RHOBTB3: variants seen among roughly 807,000 people sequenced by gnomAD.
The protein encoded by RHOBTB3 is Rho related BTB domain containing 3.
Under a neutral mutation model 67.2 loss-of-function variants are expected in RHOBTB3, and 47 were observed. That is an observed-to-expected ratio of 0.70 (90% CI 0.55 to 0.89). The LOEUF is 0.89. RHOBTB3 is among the 40% of genes least tolerant of loss of function. The pLI, the probability that RHOBTB3 is intolerant of heterozygous loss-of-function variation, is 0.00. For synonymous variants in RHOBTB3, 273 were observed against 274.2 expected, an observed-to-expected ratio of 1.00 and a Z score of 0.04; for missense variants, 631 against 750.0, an observed-to-expected ratio of 0.84 and a Z score of 1.85.
At chr5:95,745,424 T>C (rs1167207812) in intron 3 of RHOBTB3, among the ~76,000 whole-genome samples, 3 of 152,172 alleles carry the variant, frequency 2.0e-5, no homozygotes, top group African/African-American at 7.2e-5. Flanking sequence ...CAGAATGTGC[T>C]TAGAATGTAT....
intron 8 of RHOBTB3, among the ~76,000 whole-genome samples, chr5:95,778,432 C>G (rs1358667149): frequency 6.7e-6 from 1 of 150,278 alleles, no homozygotes; most frequent in Non-Finnish European, 1.5e-5. Context: ...TTTCCACTCT[C>G]TGTTGGTTCG....
intron 11 of RHOBTB3, among the ~76,000 whole-genome samples, chr5:95,791,833 A>G (rs1746404294): frequency 6.6e-6 from 1 of 152,016 alleles, no homozygotes; most frequent in South Asian, 2.1e-4. Context: ...GACATGAGCC[A>G]TCGTGCCTGG....
chr5:95,730,857 G>T (rs1243970816), upstream of RHOBTB3: 1 of 455,682 alleles, frequency 2.2e-6, no homozygotes, highest in South Asian at 1.5e-5. Context: ...TTAGAAAACA[G>T]CTGTAGCGCA....
chr5:95,773,386 G>A (rs1270841230), intron 8 of RHOBTB3, among the ~76,000 whole-genome samples: 5 of 152,218 alleles, frequency 3.3e-5, no homozygotes, highest in African/African-American at 1.2e-4. Context: ...AATGGTGGAG[G>A]CAGGATCTGG....
upstream of RHOBTB3, among the ~76,000 whole-genome samples, chr5:95,727,808 A>T (rs1326813503): frequency 2.0e-5 from 3 of 152,250 alleles, no homozygotes; most frequent in Non-Finnish European, 4.4e-5. Context: ...AGCCAAGATA[A>T]ATAACACTAA....
intron 10 of RHOBTB3, among the ~76,000 whole-genome samples, chr5:95,787,872 A>G (rs1424178494): frequency 2.0e-5 from 3 of 152,242 alleles, no homozygotes; most frequent in Non-Finnish European, 4.4e-5. Flanking sequence ...AGATTGTTTA[A>G]TGGTACAGAG....
chr5:95,761,273 G>A (rs1745385164), intron 6 of RHOBTB3, among the ~76,000 whole-genome samples: 1 of 150,716 alleles, frequency 6.6e-6, no homozygotes, highest in African/African-American at 2.4e-5. Context: ...ATACTTACAT[G>A]TTCCCTTTCC....
intron 1 of RHOBTB3, among the ~76,000 whole-genome samples, chr5:95,719,209 G>A (rs1754788204): frequency 6.6e-6 from 1 of 152,150 alleles, no homozygotes; most frequent in South Asian, 2.1e-4. Flanking sequence ...GGTTGACTGG[G>A]AGGTTGCTAA....
intron 3 of RHOBTB3, among the ~76,000 whole-genome samples, chr5:95,747,414 C>A (rs77155368): frequency 1.2e-3 from 189 of 152,354 alleles, no homozygotes; most frequent in African/African-American, 4.4e-3. Flanking sequence ...TAGAGTCTGC[C>A]TCCCCACGGG....
intron 8 of RHOBTB3, among the ~76,000 whole-genome samples, chr5:95,772,426 C>T (rs1217907177): frequency 6.6e-6 from 1 of 152,140 alleles, no homozygotes; most frequent in Non-Finnish European, 1.5e-5. Context: ...AAATTAGGTA[C>T]AGCATACTCG....
chr5:95,789,770 T>C (rs575129463), intron 11 of RHOBTB3: 4 of 152,270 alleles, frequency 2.6e-5, no homozygotes, highest in African/African-American at 9.6e-5. Flanking sequence ...CCTCCTTCAG[T>C]CATAGTAGTT....
upstream of RHOBTB3, among the ~76,000 whole-genome samples, chr5:95,727,454 C>T (rs1755089733): frequency 6.6e-6 from 1 of 152,144 alleles, no homozygotes; most frequent in Non-Finnish European, 1.5e-5. Context: ...TTTACATGTC[C>T]TTACTGTACT....
At chr5:95,725,396 A>G (rs1268141240) in intron 1 of RHOBTB3, among the ~76,000 whole-genome samples, 1 of 152,274 alleles carries the variant, frequency 6.6e-6, no homozygotes. Context: ...AATCTAATGA[A>G]AAATGAATAA....
At chr5:95,729,561 C>T (rs1011832448), upstream of RHOBTB3, among the ~76,000 whole-genome samples, 3 of 152,142 alleles carry the variant, frequency 2.0e-5, no homozygotes, top group Admixed American at 6.5e-5. Context: ...AATGTTCTAG[C>T]GTTCAGTTCT....
At chr5:95,762,981 C>T (rs540189072) in intron 6 of RHOBTB3, among the ~76,000 whole-genome samples, 47 of 152,280 alleles carry the variant, frequency 3.1e-4, no homozygotes, top group Middle Eastern at 3.4e-3. Context: ...GCTACGTGGA[C>T]GAGTAGCTCC....
intron 7 of RHOBTB3, among the ~76,000 whole-genome samples, chr5:95,764,337 G>A (rs892448103): frequency 3.9e-5 from 6 of 152,156 alleles, no homozygotes; most frequent in Admixed American, 1.3e-4. Flanking sequence ...TTGAGAGGAA[G>A]GCAGTTTTGA....
chr5:95,751,670 G>T (rs150602539), intron 4 of RHOBTB3, among the ~76,000 whole-genome samples: 30 of 152,118 alleles, frequency 2.0e-4, no homozygotes, highest in African/African-American at 6.5e-4. Context: ...ATAGTTTTCT[G>T]ATCCTCACCC....
Position 95,732,421 on chromosome 5 carries a change from G to T in RHOBTB3, c.228+337G>T, listed in dbSNP as rs1443638757. The T allele has an allele frequency of 9.2e-6, 5 of 541,236 alleles. No individual in the cohort carries two copies. In the East Asian group the frequency reaches 1.5e-4, roughly 16 times the overall value. The allele number at this position is 541,236 out of a possible 1,614,324, so 33.5% of individuals were successfully genotyped here. On this transcript the variant is annotated intron_variant, in intron 2 of 11. Coordinates refer to ENST00000379982, the MANE Select transcript of RHOBTB3 (RefSeq NM_014899.4). ...CTAAGTTTCATCAGCAAAAAGCAGTGTTTTTTTATGTCTACCCTATGGGTG... is the reference window on the plus strand; with the variant it reads ...CTAAGTTTCATCAGCAAAAAGCAGTTTTTTTTTATGTCTACCCTATGGGTG...
Position 95,783,899 on chromosome 5 carries a change from G to A in RHOBTB3, c.1559G>A (p.Ser520Asn). ...CTGTTCATCATTACCCAGCTGCAGA[G>A]CATGCCAAGCAGGGAACTGGCATCC... is the stretch of plus-strand genomic sequence containing the variant. ...CELFIITQLQSMPSRELASMN... is the reference protein window; with the variant it reads ...CELFIITQLQNMPSRELASMN... Residue 520 changes from serine to asparagine, a missense_variant, in exon 10 of 12, where the codon AGC becomes AAC. Coordinates refer to ENST00000379982, the MANE Select transcript of RHOBTB3 (RefSeq NM_014899.4). 6.2e-7 allele frequency: 1 copy of A among 1,613,974 alleles called. No individual in the cohort carries two copies. Among genetic ancestry groups the A allele is most frequent in the Non-Finnish European group, 8.5e-7 (1 of 1,179,894 alleles).
Sources: allele counts gnomAD v4.1 joint callset (sites outside exome capture counted in the v4.1 genomes callset), GRCh38; gene constraint gnomAD v4.1.1; transcripts MANE v1.5; gene names NCBI Gene and HGNC (gene_info 2026-07-23, HGNC 2026-07-21).